DCP1B: variants seen among roughly 807,000 people sequenced by gnomAD.
DCP1B encodes decapping mRNA 1B, also known as mRNA-decapping enzyme 1B.
In DCP1B, 47 loss-of-function variants were observed where a neutral mutation model predicts 60.5. That is an observed-to-expected ratio of 0.78 (90% CI 0.61 to 0.99). The LOEUF (loss-of-function observed/expected upper bound fraction) is 0.99. Ranked by LOEUF, DCP1B falls within the 50% of genes least tolerant of loss-of-function variation. The probability of loss-of-function intolerance (pLI) is 0.00; values close to 1 mark genes in which losing one functional copy is unlikely to be tolerated. For missense variants in DCP1B, 725 were observed against 756.8 expected (o/e 0.96, Z 0.49); for synonymous variants, 267 against 280.3 (o/e 0.95, Z 0.47).
At chr12:1,966,879 G>A (rs1412265372) in intron 4 of DCP1B, among the ~76,000 whole-genome samples, 3 of 152,112 alleles carry the variant, frequency 2.0e-5, no homozygotes, top group African/African-American at 4.8e-5. Flanking sequence ...TTTCATTTCC[G>A]TGAGGTCACT....
intron 6 of DCP1B, 42 bp from the exon 7 acceptor site, chr12:1,953,330 T>G (rs917494467): frequency 2.0e-6 from 3 of 1,517,186 alleles, no homozygotes; most frequent in Non-Finnish European, 8.8e-7. Context: ...TACAAACAAT[T>G]TGGTTATATG....
intron 2 of DCP1B, among the ~76,000 whole-genome samples, chr12:1,995,919 C>G (rs938013713): frequency 1.3e-5 from 2 of 152,214 alleles, no homozygotes; most frequent in Non-Finnish European, 2.9e-5. Context: ...ACCCAAGTGT[C>G]CTGCTACCAG....
intron 3 of DCP1B, among the ~76,000 whole-genome samples, chr12:1,988,976 T>G (rs2038612613): frequency 6.6e-6 from 1 of 152,242 alleles, no homozygotes; most frequent in Non-Finnish European, 1.5e-5. Flanking sequence ...TTTTCTGATT[T>G]GATCTAAACT....
In DCP1B at chr12:1,955,611, C is replaced by G. The variant is rs374437919; in HGVS notation, c.523-51G>C. On this transcript the variant is annotated intron_variant, in intron 5 of 8. Coordinates refer to ENST00000280665, the MANE Select transcript of DCP1B (RefSeq NM_152640.5). ...ATTTTTGGCTTAGAAAAGCTTTAGT[C>G]TTTTTAAAAGACTACCTTTTTACTT... 2.7e-5 allele frequency: 42 copies of G among 1,564,156 alleles called. No homozygotes were observed. The African/African-American group carries it at 5.1e-4, about 19-fold the overall frequency.
intron 3 of DCP1B, among the ~76,000 whole-genome samples, chr12:1,974,142 T>C (rs1284429041): frequency 6.6e-6 from 1 of 152,192 alleles, no homozygotes; most frequent in Non-Finnish European, 1.5e-5. Flanking sequence ...CTTGCTGAGT[T>C]GAAATGAAAT....
At position 1,949,331 on chromosome 12, in the gene DCP1B, T is replaced by C. The variant is rs1592775873; in HGVS notation, c.1528A>G (p.Ile510Val). 6.2e-7 allele frequency: 1 copy of C among 1,613,698 alleles called. No homozygotes were observed. Among genetic ancestry groups the C allele is most frequent in the Non-Finnish European group, 8.5e-7 (1 of 1,179,852 alleles). The change falls in exon 8 of 9, where the codon ATC becomes GTC. Residue 510 changes from isoleucine (I) to valine (V), a missense_variant. Transcript: ENST00000280665. The part of the protein sequence containing the change: ...TEQQTPLFQV[I>V]SPQRIPATAA... ...GTAGCAGGGATGCGCTGAGGTGAGA[T>C]GACCTGCTCACAGCAAATACACACA...
At chr12:1,979,938 C>T (rs2035619551) in intron 3 of DCP1B, among the ~76,000 whole-genome samples, 1 of 151,982 alleles carries the variant, frequency 6.6e-6, no homozygotes, top group Non-Finnish European at 1.5e-5. Context: ...GATATCACTT[C>T]AGAATTCCCA....
In DCP1B at chr12:1,948,509, T is replaced by C. The variant is rs1225478278; in HGVS notation, c.1773+577A>G. ...CAGCTCTGTGGAGTGTTAGCTATTA[T>C]AGCACTCATTATTATTTCATAATTT... is the stretch of plus-strand genomic sequence containing the variant. On this transcript the variant is annotated intron_variant, in intron 8 of 8. Transcript: ENST00000280665. This position sits in a 1 kb window ranked among gnomAD's most constrained non-coding sequence, Gnocchi z 4.8. 1.3e-5 allele frequency among the ~76,000 whole-genome samples: 2 copies of C among 152,262 alleles called. No individual in the cohort carries two copies. Among genetic ancestry groups the C allele is most frequent in the Admixed American group, 6.5e-5 (1 of 15,288 alleles).
Position 1,949,282 on chromosome 12 carries a change from G to T in DCP1B, c.1577C>A (p.Ser526Tyr), listed in dbSNP as rs748667140. The part of the protein sequence containing the change: ...PATAAPSLLM[S>Y]PMVFAQPTSV... ...GGTGGGTTGTGCGAACACCATGGGG[G>T]ACATAAGCAGAGACGGAGCTGCTGT... is the stretch of plus-strand genomic sequence containing the variant. Residue 526 changes from serine (S) to tyrosine (Y), a missense_variant, in exon 8 of 9, where the codon TCC becomes TAC. Transcript: ENST00000280665. 3 of 1,614,126 alleles carry T rather than the reference G, an allele frequency of 1.9e-6. No homozygotes were observed. In the South Asian group the frequency reaches 3.3e-5, roughly 18 times the overall value.
At chr12:1,970,457 C>A (rs1435146773) in intron 3 of DCP1B, among the ~76,000 whole-genome samples, 1 of 152,072 alleles carries the variant, frequency 6.6e-6, no homozygotes, top group Non-Finnish European at 1.5e-5. Context: ...AAAAGAGGCA[C>A]CAAGATAAAA....
intron 3 of DCP1B, among the ~76,000 whole-genome samples, chr12:1,968,349 T>C (rs567199910): frequency 2.8e-5 from 4 of 142,286 alleles, no homozygotes; most frequent in Admixed American, 7.0e-5. Flanking sequence ...GGAAACTCTG[T>C]CTCAAAAAAA....
Position 1,946,253 on chromosome 12 carries a change from C to T in DCP1B, c.1807G>A (p.Ala603Thr), listed in dbSNP as rs752028883. 1.2e-6 allele frequency: 2 copies of T among 1,607,806 alleles called. No individual in the cohort carries two copies. Among genetic ancestry groups the T allele is most frequent in the South Asian group, 2.2e-5 (2 of 89,176 alleles). ...GCTTGAGTCATGCTGAAGAGATAGGCTTCATAGATTATATTTAAGAAGTTG... is the reference window on the plus strand; with the variant it reads ...GCTTGAGTCATGCTGAAGAGATAGGTTTCATAGATTATATTTAAGAAGTTG... ...DDNFLNIIYE[A>T]YLFSMTQAAM... The change falls in exon 9 of 9, where the codon GCC becomes ACC. Residue 603 changes from alanine (A) to threonine (T), a missense_variant. Coordinates refer to ENST00000280665, the MANE Select transcript of DCP1B (RefSeq NM_152640.5).
chr12:1,970,016 A>C (rs565846308), intron 3 of DCP1B, among the ~76,000 whole-genome samples: 1 of 152,332 alleles, frequency 6.6e-6, no homozygotes, highest in South Asian at 2.1e-4. Flanking sequence ...TTGTTGTCTC[A>C]TGAATAGGCT....
chr12:1,970,826 G>A (rs2032000751), intron 3 of DCP1B: 1 of 287,990 alleles, frequency 3.5e-6, no homozygotes, highest in Middle Eastern at 1.3e-3. Flanking sequence ...AAAATACAAG[G>A]TTGAAAAGAA....
chr12:2,004,216 T>A (rs1565895427), intron 1 of DCP1B, 66 bp downstream of exon 1: 2 of 1,591,264 alleles, frequency 1.3e-6, no homozygotes, highest in South Asian at 1.1e-5. Flanking sequence ...CCTCAAGTCC[T>A]GAGTCTGACG....
chr12:1,952,961 A>G lies in DCP1B; in HGVS notation c.979T>C (p.Phe327Leu). ...ENGSTHSAGE[F>L]FTGPVQPGSP... ...CCTGGCTGGACAGGTCCTGTAAAAA[A>G]TTCTCCCGCAGAATGGGTACTGCCA... The change falls in exon 7 of 9, where the codon TTT (phenylalanine) becomes CTT (leucine). Residue 327 changes from phenylalanine (F) to leucine (L), a missense_variant. By Grantham distance (22) the Phe-to-Leu change is conservative (BLOSUM62 0). Coordinates refer to ENST00000280665, the MANE Select transcript of DCP1B (RefSeq NM_152640.5). The G allele has an allele frequency of 6.2e-7, 1 of 1,614,120 alleles. No homozygotes were observed. The highest frequency in any genetic ancestry group is 8.5e-7 in the Non-Finnish European group (1 of 1,180,004).
Position 1,962,962 on chromosome 12 carries a change from AT to A in DCP1B, c.522+2595del, listed in dbSNP as rs1310108434. Reference sequence around the variant, plus strand: ...TGCCACTTCATTCAGGATTTTTCTGATTGCTTCCTCATAGCATCATTTAATT... The same window carrying A: ...TGCCACTTCATTCAGGATTTTTCTGATGCTTCCTCATAGCATCATTTAATT... On this transcript the variant is annotated intron_variant, in intron 5 of 8. Transcript: ENST00000280665. The surrounding 1 kb of genome is among the most constrained non-coding windows in gnomAD (Gnocchi z 4.4). 1.3e-5 allele frequency among the ~76,000 whole-genome samples: 2 copies of A among 152,160 alleles called. No homozygotes were observed. The highest frequency in any genetic ancestry group is 4.8e-5 in the African/African-American group (2 of 41,432).
chr12:1,993,622 T>C (rs1261347263), intron 2 of DCP1B, among the ~76,000 whole-genome samples: 7 of 79,554 alleles, frequency 8.8e-5, no homozygotes, highest in Admixed American at 1.1e-4. Flanking sequence ...TCATACTTCA[T>C]TTGTGGTGTG....
At chr12:1,949,949 TG>T (rs538912379) in intron 7 of DCP1B, 167 of 214,898 alleles carry the variant, frequency 7.8e-4, no homozygotes, top group African/African-American at 3.7e-3. Flanking sequence ...TGCCAGAGCC[TG>T]TCTGCTGAGT....
Sources: allele counts gnomAD v4.1 joint callset (sites outside exome capture counted in the v4.1 genomes callset), GRCh38; gene constraint gnomAD v4.1.1; non-coding constraint Gnocchi (gnomAD v3.1); transcripts MANE v1.5; gene names NCBI Gene and HGNC (gene_info 2026-07-23, HGNC 2026-07-21).